SYNE1: variants seen among roughly 807,000 people sequenced by gnomAD.
The protein encoded by SYNE1 is nesprin-1.
In SYNE1, 616 loss-of-function variants were observed where a neutral mutation model predicts 1,111.0. That is an observed-to-expected ratio of 0.55 (90% CI 0.52 to 0.59). The LOEUF (loss-of-function observed/expected upper bound fraction) is 0.59, where lower values mean the gene tolerates loss of function less well. Among genes scored for constraint, SYNE1 ranks in the 20% least tolerant of loss-of-function variants. The pLI, the probability that SYNE1 is intolerant of heterozygous loss-of-function variation, is 0.00. For synonymous variants in SYNE1, 3,855 were observed against 3,825.8 expected (o/e 1.01, Z -0.28); for missense variants, 10,006 against 10,417.0 (o/e 0.96, Z 1.72).
chr6:152,469,627 A>G (rs1030844882), intron 16 of SYNE1, among the ~76,000 whole-genome samples: 2 of 152,234 alleles, frequency 1.3e-5, no homozygotes, highest in African/African-American at 4.8e-5. Context: ...TAGATCACTA[A>G]GACGTAAGAT....
intron 55 of SYNE1, among the ~76,000 whole-genome samples, 176 bp downstream of exon 55, chr6:152,385,498 G>T (rs2097512441): frequency 6.6e-6 from 1 of 152,174 alleles, no homozygotes; most frequent in Non-Finnish European, 1.5e-5. Flanking sequence ...GCTCATAAGT[G>T]TAAAGTCTTT....
At chr6:152,228,424 A>G (rs952805787) in intron 115 of SYNE1, among the ~76,000 whole-genome samples, 4 of 151,802 alleles carry the variant, frequency 2.6e-5, no homozygotes, top group African/African-American at 9.7e-5. Flanking sequence ...AGCTGCTGCT[A>G]TATTTTCCAG....
chr6:152,485,087 G>T (rs1431577262), intron 12 of SYNE1, 115 bp from the exon 13 acceptor site: 8 of 1,184,978 alleles, frequency 6.8e-6, no homozygotes, highest in South Asian at 1.4e-5. Flanking sequence ...AATATATGTT[G>T]TTGATAATAA....
chr6:152,379,655 G>A (rs2097363389), intron 56 of SYNE1, among the ~76,000 whole-genome samples: 1 of 152,148 alleles, frequency 6.6e-6, no homozygotes, highest in African/African-American at 2.4e-5. Flanking sequence ...GAGAAGCAAT[G>A]TAGCATTGTC....
chr6:152,364,151 A>C (rs1248697729), intron 63 of SYNE1, among the ~76,000 whole-genome samples: 3 of 152,102 alleles, frequency 2.0e-5, no homozygotes, highest in Non-Finnish European at 4.4e-5. Context: ...TTTGCTCAGC[A>C]CTTGTCTCTC....
intron 3 of SYNE1, among the ~76,000 whole-genome samples, chr6:152,592,503 G>A (rs928504856): frequency 7.2e-5 from 11 of 152,160 alleles, no homozygotes; most frequent in African/African-American, 2.4e-4. Context: ...TTATAAGTGG[G>A]AACTAAGCAT....
chr6:152,248,607 C>T (rs1270311791), intron 105 of SYNE1, among the ~76,000 whole-genome samples: 2 of 152,146 alleles, frequency 1.3e-5, no homozygotes, highest in Non-Finnish European at 2.9e-5. Flanking sequence ...CAGTCACTTT[C>T]ATTTATCTTA....
chr6:152,397,018 A>G, intron 49 of SYNE1, 38 bp from the exon 50 acceptor site: 1 of 1,593,088 alleles, frequency 6.3e-7, no homozygotes, highest in South Asian at 1.1e-5. Context: ...CCATGGGACT[A>G]TGCATTACAA....
At chr6:152,284,951 C>A (rs1188374018) in intron 95 of SYNE1, among the ~76,000 whole-genome samples, 1 of 151,918 alleles carries the variant, frequency 6.6e-6, no homozygotes, top group African/African-American at 2.4e-5. Context: ...TCTCATTTAC[C>A]AAACTCTAAA....
At position 152,122,023 on chromosome 6, in the gene SYNE1, C is replaced by T. The variant is rs991761069; in HGVS notation, c.*413G>A. 7.1e-5 allele frequency: 18 copies of T among 252,188 alleles called. No individual in the cohort carries two copies. Among genetic ancestry groups the T allele is most frequent in the African/African-American group, 2.6e-4 (12 of 45,482 alleles). The allele number at this position is 252,188 out of a possible 1,614,324, so 15.6% of individuals were successfully genotyped here. A position where few individuals can be genotyped will look rare whatever the true frequency, so the allele number is the denominator to read the frequency against. On this transcript the variant is annotated 3_prime_UTR_variant, in exon 146 of 146. Transcript: ENST00000367255. Reference sequence around the variant, plus strand: ...AGCACTGGTTGGTTGGTAGATTGTACGACACTGACATGGTGCTTGGGAGGG... The same window carrying T: ...AGCACTGGTTGGTTGGTAGATTGTATGACACTGACATGGTGCTTGGGAGGG...
At chr6:152,160,371 G>A (rs1384438815) in intron 131 of SYNE1, among the ~76,000 whole-genome samples, 1 of 152,026 alleles carries the variant, frequency 6.6e-6, no homozygotes, top group African/African-American at 2.4e-5. Context: ...AGCCCCTCCT[G>A]GCTCCTCCTG....
At chr6:152,292,036 C>T (rs1473978405) in intron 95 of SYNE1, among the ~76,000 whole-genome samples, 1 of 152,076 alleles carries the variant, frequency 6.6e-6, no homozygotes, top group Non-Finnish European at 1.5e-5. Flanking sequence ...ACAGACAGAA[C>T]CGCAGGAGCA....
intron 30 of SYNE1, among the ~76,000 whole-genome samples, chr6:152,443,850 A>C (rs1372827164): frequency 1.3e-5 from 2 of 152,224 alleles, no homozygotes; most frequent in African/African-American, 4.8e-5. Flanking sequence ...CTACCAGACT[A>C]TCAGAAATTA....
chr6:152,134,047 A>C (rs991421714), intron 142 of SYNE1: 9 of 158,298 alleles, frequency 5.7e-5, no homozygotes, highest in African/African-American at 2.2e-4. Context: ...GTGAGTGTTA[A>C]ATGTTAAGAC....
intron 3 of SYNE1, among the ~76,000 whole-genome samples, chr6:152,600,857 G>A (rs1329180860): frequency 6.6e-6 from 1 of 152,120 alleles, no homozygotes; most frequent in East Asian, 1.9e-4. Flanking sequence ...TATGCACTGT[G>A]AAATTAAAAA....
At chr6:152,139,416 C>T (rs989810336) in intron 140 of SYNE1, among the ~76,000 whole-genome samples, 1 of 151,326 alleles carries the variant, frequency 6.6e-6, no homozygotes, top group Non-Finnish European at 1.5e-5. Context: ...ACTAAAAATA[C>T]AAAAACTAGC....
Position 152,232,130 on chromosome 6 carries a change from G to T in SYNE1, c.20848C>A (p.Leu6950Ile). 1 of 1,577,076 alleles carries T rather than the reference G, an allele frequency of 6.3e-7. No homozygotes were observed. The highest frequency in any genetic ancestry group is 1.7e-5 in the Admixed American group (1 of 59,882). ...ATTTTAATTACCTTATATTTCTGAA[G>T]GTATTCATGAATTGCCTTGTAACCT... The part of the protein sequence containing the change: ...SIGYKAIHEY[L>I]QKYKGFKIDI... Residue 6950 changes from leucine (L) to isoleucine (I), a missense_variant, in exon 113 of 146, where the codon CTT becomes ATT. Leu to Ile is a conservative substitution (Grantham distance 5, BLOSUM62 2). Around this residue, in one of 7 missense-constraint regions of SYNE1, gnomAD observed 2,182 missense variants for 2,287.8 expected, o/e 0.95. Transcript: ENST00000367255.
intron 76 of SYNE1, chr6:152,335,402 T>C (rs2096362284): frequency 6.6e-6 from 1 of 152,238 alleles, no homozygotes; most frequent in Non-Finnish European, 1.5e-5. Flanking sequence ...TTAAGACATT[T>C]CTGTATTTTC....
intron 4 of SYNE1, among the ~76,000 whole-genome samples, chr6:152,530,917 C>A (rs896674858): frequency 1.3e-5 from 2 of 152,098 alleles, no homozygotes; most frequent in African/African-American, 4.8e-5. Flanking sequence ...GCCACCACAT[C>A]CCGCCGTGTG....
Sources: gnomAD v4.1 joint callset for allele counts (sites outside exome capture counted in the v4.1 genomes callset) on GRCh38, gnomAD v4.1.1 for gene constraint, gnomAD v4.1.1 regional missense constraint, MANE v1.5 for transcripts, NCBI Gene and HGNC (gene_info 2026-07-23, HGNC 2026-07-21) for gene names.